The following SORCS1 variants were observed in gnomAD, a reference collection of about 807,000 sequenced individuals.
SORCS1 encodes the protein sortilin related VPS10 domain containing receptor 1.
Under a neutral mutation model 146.1 loss-of-function variants are expected in SORCS1, and 60 were observed. That is an observed-to-expected ratio of 0.41 (90% CI 0.33 to 0.51). The LOEUF (loss-of-function observed/expected upper bound fraction) is 0.51. SORCS1 is among the 20% of genes least tolerant of loss of function. SORCS1 has a pLI of 0.21. For synonymous variants in SORCS1, 637 were observed against 584.0 expected, an observed-to-expected ratio of 1.09 and a Z score of -1.31; for missense variants, 1,352 against 1,487.6, an observed-to-expected ratio of 0.91 and a Z score of 1.50.
At chr10:106,719,771 A>G (rs1236816713) in intron 6 of SORCS1, among the ~76,000 whole-genome samples, 2 of 152,190 alleles carry the variant, frequency 1.3e-5, no homozygotes, top group African/African-American at 2.4e-5. Context: ...TACCTGAAAC[A>G]TAAGAGATGC....
intron 1 of SORCS1, among the ~76,000 whole-genome samples, chr10:107,005,308 A>G (rs756646479): frequency 1.1e-4 from 16 of 144,596 alleles, no homozygotes; most frequent in Non-Finnish European, 2.1e-4. Context: ...TGGGTGAGAC[A>G]GAACGAGACT....
At chr10:106,656,297 T>A (rs556406824) in intron 17 of SORCS1, among the ~76,000 whole-genome samples, 1 of 152,314 alleles carries the variant, frequency 6.6e-6, no homozygotes, top group South Asian at 2.1e-4. Flanking sequence ...ATGCCTGCAA[T>A]CCCAGGACTT....
chr10:106,810,865 A>G (rs1340623444), intron 3 of SORCS1, among the ~76,000 whole-genome samples: 1 of 152,138 alleles, frequency 6.6e-6, no homozygotes, highest in Non-Finnish European at 1.5e-5. Flanking sequence ...AATGCAAAAT[A>G]CAGCTGTCTT....
chr10:107,124,978 G>C (rs1966628654), intron 1 of SORCS1, among the ~76,000 whole-genome samples: 1 of 139,414 alleles, frequency 7.2e-6, no homozygotes, highest in Non-Finnish European at 1.5e-5. Flanking sequence ...TTTTGAGATG[G>C]AGTCTTGCTC....
chr10:107,134,055 A>G (rs2134657095), intron 1 of SORCS1, among the ~76,000 whole-genome samples: 1 of 152,276 alleles, frequency 6.6e-6, no homozygotes, highest in Middle Eastern at 3.4e-3. Context: ...TATTACTACT[A>G]GTAGTAGTAG....
chr10:107,065,273 T>C (rs147776511), intron 1 of SORCS1, among the ~76,000 whole-genome samples: 161 of 152,142 alleles, frequency 1.1e-3, no homozygotes, highest in African/African-American at 3.6e-3. Context: ...TAAGCGAGCT[T>C]TGCACACACT....
In SORCS1 at chr10:106,699,360, C is replaced by G; in HGVS notation, c.1267G>C (p.Val423Leu). 6.2e-7 allele frequency: 1 copy of G among 1,613,538 alleles called. No homozygotes were observed. ...TTCCATTCTTGGACCGCTGCGAACA[C>G]CTGATTCTCATCGGTGCTGATAACA... ...MHVISTDENQ[V>L]FAAVQEWNQN... The change falls in exon 9 of 26, where the codon GTG (valine) becomes CTG (leucine). Residue 423 changes from valine to leucine, a missense_variant. Coordinates refer to ENST00000263054, the MANE Select transcript of SORCS1 (RefSeq NM_052918.5).
intron 2 of SORCS1, among the ~76,000 whole-genome samples, chr10:106,880,817 G>A (rs535687032): frequency 1.3e-5 from 2 of 152,048 alleles, no homozygotes. Context: ...AGCCGGGCAC[G>A]GTGGCTCACG....
intron 1 of SORCS1, among the ~76,000 whole-genome samples, chr10:107,083,854 G>A (rs1412774860): frequency 1.3e-5 from 2 of 152,138 alleles, no homozygotes; most frequent in Non-Finnish European, 2.9e-5. Context: ...GGGGTTATAC[G>A]AAGGGTTTGA....
the SORCS1 span, among the ~76,000 whole-genome samples, chr10:107,181,124 G>A: frequency 6.6e-6 from 1 of 152,176 alleles, no homozygotes; most frequent in Admixed American, 6.5e-5. Context: ...TGTGATGAGT[G>A]AATGTGAAGT....
chr10:106,868,969 G>A (rs894049725), intron 2 of SORCS1, among the ~76,000 whole-genome samples: 1 of 152,054 alleles, frequency 6.6e-6, no homozygotes, highest in African/African-American at 2.4e-5. Flanking sequence ...TGAAAGGAGA[G>A]AAGATCCAAA....
At chr10:107,032,399 C>G (rs1958698136) in intron 1 of SORCS1, among the ~76,000 whole-genome samples, 1 of 152,180 alleles carries the variant, frequency 6.6e-6, no homozygotes, top group Non-Finnish European at 1.5e-5. Flanking sequence ...CTTGATTTCT[C>G]TTTGCTTACC....
chr10:106,641,147 T>C (rs923479932), intron 18 of SORCS1, among the ~76,000 whole-genome samples: 4 of 152,116 alleles, frequency 2.6e-5, no homozygotes, highest in African/African-American at 4.8e-5. Context: ...ATTGATGACA[T>C]TGGAATTTTT....
intron 1 of SORCS1, among the ~76,000 whole-genome samples, chr10:107,114,048 GAAAT>G (rs1216623142): frequency 3.9e-5 from 6 of 152,016 alleles, no homozygotes; most frequent in Non-Finnish European, 5.9e-5. Flanking sequence ...TAACTTAGAG[GAAAT>G]AAATAAATTC....
At chr10:106,578,661 A>G (rs1844707664) in intron 25 of SORCS1, 2 of 1,001,388 alleles carry the variant, frequency 2.0e-6, no homozygotes, top group African/African-American at 1.7e-5. Context: ...CCTCCTTAAG[A>G]GCTGTATCCA....
At chr10:106,967,718 C>T (rs539027080) in intron 1 of SORCS1, among the ~76,000 whole-genome samples, 2 of 152,292 alleles carry the variant, frequency 1.3e-5, no homozygotes, top group African/African-American at 4.8e-5. Context: ...ATCCTGTTCT[C>T]ATTCCCCTCC....
chr10:107,119,485 T>C (rs1323713087), intron 1 of SORCS1, among the ~76,000 whole-genome samples: 1 of 152,252 alleles, frequency 6.6e-6, no homozygotes, highest in Non-Finnish European at 1.5e-5. Flanking sequence ...AATATCTTAC[T>C]GTGGCTGAGG....
At chr10:106,643,183 T>C (rs1357015469) in intron 18 of SORCS1, among the ~76,000 whole-genome samples, 2 of 152,208 alleles carry the variant, frequency 1.3e-5, no homozygotes, top group African/African-American at 2.4e-5. Context: ...CTGTGCCTCA[T>C]ATAAAATGAC....
In SORCS1 at chr10:106,746,192, CCAGA is replaced by C. The variant is rs141055056; in HGVS notation, c.959+15392_959+15395del. Among the ~76,000 whole-genome samples, 1,384 of 151,938 alleles carry C rather than the reference CCAGA, an allele frequency of 9.1e-3. 20 individuals are homozygous for C. Among genetic ancestry groups the C allele is most frequent in the African/African-American group, 0.032 (1,315 of 41,446 alleles). ...ATATTAGTAGAAAATCTGGAGAAAACCAGACAGTCTCTATTTTAGTTCACTGTTT... is the reference window on the plus strand; with the variant it reads ...ATATTAGTAGAAAATCTGGAGAAAACCAGTCTCTATTTTAGTTCACTGTTT... On this transcript the variant is annotated intron_variant, in intron 5 of 25. Coordinates refer to ENST00000263054, the MANE Select transcript of SORCS1 (RefSeq NM_052918.5).
Sources: allele counts gnomAD v4.1 joint callset (sites outside exome capture counted in the v4.1 genomes callset), GRCh38; gene constraint gnomAD v4.1.1; transcripts MANE v1.5; gene names NCBI Gene and HGNC (gene_info 2026-07-23, HGNC 2026-07-21).